NXN: variants seen among roughly 807,000 people sequenced by gnomAD.
NXN encodes the protein nucleoredoxin 1.
A neutral mutation model predicts 48.6 loss-of-function variants in NXN; 16 were observed. The ratio of observed to expected loss-of-function variants is 0.33; its 90% confidence interval spans 0.22 to 0.50. The LOEUF is 0.50. Among genes scored for constraint, NXN ranks in the 20% least tolerant of loss-of-function variants. NXN has a pLI of 0.98. For synonymous variants in NXN, 281 were observed against 269.6 expected, an observed-to-expected ratio of 1.04 and a Z score of -0.41; for missense variants, 492 against 605.5, an observed-to-expected ratio of 0.81 and a Z score of 1.97.
Position 884,760 on chromosome 17 carries a change from G to A in NXN, c.361-58682C>T, listed in dbSNP as rs566487743. On this transcript the variant is annotated intron_variant, in intron 1 of 7. Coordinates refer to ENST00000336868, the MANE Select transcript of NXN (RefSeq NM_022463.5). ...AGAAAAGGGATGGACGGTCCCTCGG[G>A]AATTAATAAGCTAAACGGAGCTGAA... Among the ~76,000 whole-genome samples the A allele has an allele frequency of 4.6e-5, 7 of 152,282 alleles. No homozygotes were observed. In the South Asian group the frequency reaches 1.4e-3, roughly 32 times the overall value.
At position 979,645 on chromosome 17, in the gene NXN, T is replaced by C; in HGVS notation, c.34A>G (p.Lys12Glu). 6.8e-7 allele frequency: 1 copy of C among 1,471,660 alleles called. No homozygotes were observed. The highest frequency in any genetic ancestry group is 1.8e-4 in the Middle Eastern group (1 of 5,568). The allele number at this position is 1,471,660 out of a possible 1,614,324, so 91.2% of individuals were successfully genotyped here. A position where few individuals can be genotyped will look rare whatever the true frequency, so the allele number is the denominator to read the frequency against. Residue 12 changes from lysine (K) to glutamate (E), a missense_variant, in exon 1 of 8, where the codon AAG (lysine) becomes GAG (glutamate). By Grantham distance (56) the Lys-to-Glu change is moderately conservative. Coordinates refer to ENST00000336868, the MANE Select transcript of NXN (RefSeq NM_022463.5). ...SGFLEELLGE[K>E]LVTGGGEEVD... ...TCCTCGCCGCCGCCCGTCACCAGCT[T>C]CTCGCCGAGCAGCTCCTCCAGGAAG...
chr17:978,980 C>A lies in NXN; in HGVS notation c.360+339G>T, dbSNP rs909498042. Among the ~76,000 whole-genome samples, 17 of 150,358 alleles carry A rather than the reference C, an allele frequency of 1.1e-4. No individual in the cohort carries two copies. Among genetic ancestry groups the A allele is most frequent in the Non-Finnish European group, 2.2e-4 (15 of 67,436 alleles). On this transcript the variant is annotated intron_variant, in intron 1 of 7. Coordinates refer to ENST00000336868, the MANE Select transcript of NXN (RefSeq NM_022463.5). The surrounding 1 kb of genome is among the most constrained non-coding windows in gnomAD (Gnocchi z 4.1). ...AGCCGCCCCCACCCGAGGCTCCCAG[C>A]GTGTGCGGACGGAGGGGCTCGAGCC...
At chr17:960,945 C>T (rs1461545489) in intron 1 of NXN, among the ~76,000 whole-genome samples, 4 of 151,872 alleles carry the variant, frequency 2.6e-5, no homozygotes, top group Non-Finnish European at 4.4e-5. Flanking sequence ...CCACCACGCC[C>T]GGCTAATTTT....
intron 1 of NXN, among the ~76,000 whole-genome samples, chr17:974,308 A>G (rs1299919091): frequency 6.6e-6 from 1 of 151,808 alleles, no homozygotes; most frequent in South Asian, 2.1e-4. Context: ...CCGAGATCGC[A>G]CCACTGCACT....
intron 1 of NXN, among the ~76,000 whole-genome samples, chr17:961,387 G>GA (rs765525826): frequency 0.22 from 30,273 of 140,424 alleles, 3,397 homozygotes; most frequent in Non-Finnish European, 0.28. Flanking sequence ...TCCGTCTCAA[G>GA]AAAAAAAAAA....
chr17:890,402 C>T (rs1344760981), intron 1 of NXN, among the ~76,000 whole-genome samples: 3 of 152,152 alleles, frequency 2.0e-5, no homozygotes, highest in Non-Finnish European at 2.9e-5. Flanking sequence ...GAGACGGACT[C>T]TCACTCTGTC....
intron 1 of NXN, among the ~76,000 whole-genome samples, chr17:967,122 G>A (rs2069315263): frequency 6.6e-6 from 1 of 150,568 alleles, no homozygotes; most frequent in Admixed American, 6.6e-5. Flanking sequence ...CAGCCCCCAG[G>A]CCTGAGGCTC....
intron 1 of NXN, among the ~76,000 whole-genome samples, chr17:912,420 A>G (rs542510347): frequency 6.6e-6 from 1 of 152,174 alleles, no homozygotes; most frequent in African/African-American, 2.4e-5. Flanking sequence ...AACACTGCCA[A>G]AGACACCGCA....
intron 5 of NXN, among the ~76,000 whole-genome samples, chr17:812,143 G>C (rs533868051): frequency 0.41 from 61,086 of 149,600 alleles, 12,609 homozygotes; most frequent in East Asian, 0.53. Context: ...TAGCCAGGAC[G>C]GTCTCGATCT....
intron 6 of NXN, among the ~76,000 whole-genome samples, chr17:804,369 G>T (rs1227772399): frequency 7.1e-6 from 1 of 141,332 alleles, no homozygotes; most frequent in Non-Finnish European, 1.5e-5. Flanking sequence ...TACAACTTCT[G>T]CCTCCCCGGT....
chr17:973,531 C>G (rs2069417422), intron 1 of NXN, among the ~76,000 whole-genome samples: 1 of 152,188 alleles, frequency 6.6e-6, no homozygotes, highest in African/African-American at 2.4e-5. Flanking sequence ...CTTCGTCGAT[C>G]AGCAGCAGTC....
At chr17:868,356 T>A (rs1219413209) in intron 1 of NXN, among the ~76,000 whole-genome samples, 3 of 152,108 alleles carry the variant, frequency 2.0e-5, no homozygotes, top group Non-Finnish European at 4.4e-5. Flanking sequence ...CCTGACCGTA[T>A]CTCCCTCGAA....
chr17:840,254 A>G (rs1439711532), intron 1 of NXN, among the ~76,000 whole-genome samples: 3 of 152,154 alleles, frequency 2.0e-5, no homozygotes, highest in South Asian at 2.1e-4. Flanking sequence ...TAGGTCTCCT[A>G]TCAACTTGGG....
At chr17:957,898 T>A (rs1274939044) in intron 1 of NXN, among the ~76,000 whole-genome samples, 1 of 152,010 alleles carries the variant, frequency 6.6e-6, no homozygotes, top group African/African-American at 2.4e-5. Context: ...AAATCACACC[T>A]CCACGTCAGC....
chr17:814,165 C>G (rs369647627), intron 5 of NXN, among the ~76,000 whole-genome samples: 7 of 143,444 alleles, frequency 4.9e-5, no homozygotes, highest in East Asian at 2.2e-4. Flanking sequence ...CGGAGGCTGA[C>G]GCAGGAGAAC....
chr17:805,024 G>GCCCCCCCCCCCCCCCAC, intron 6 of NXN, 44 bp downstream of exon 6: 7 of 1,380,528 alleles, frequency 5.1e-6, no homozygotes, highest in Non-Finnish European at 6.0e-6. Flanking sequence ...CTCCTGTCCC[G>GCCCCCCCCCCCCCCCAC]CCCCCCAGCC....
rs1217135725 is a variant in NXN, at chr17:979,642, G to C, written c.37C>G (p.Leu13Val). The C allele has an allele frequency of 6.8e-7, 1 of 1,470,910 alleles. No homozygotes were observed. 91.1% of individuals were successfully genotyped at this position (1,470,910 alleles called of 1,614,324 possible). Residue 13 changes from leucine (L) to valine (V), a missense_variant, in exon 1 of 8, where the codon CTG (leucine) becomes GTG (valine). Transcript: ENST00000336868. ...GFLEELLGEK[L>V]VTGGGEEVDV... ...ACCTCCTCGCCGCCGCCCGTCACCAGCTTCTCGCCGAGCAGCTCCTCCAGG... is the reference window on the plus strand; with the variant it reads ...ACCTCCTCGCCGCCGCCCGTCACCACCTTCTCGCCGAGCAGCTCCTCCAGG...
intron 6 of NXN, 48 bp downstream of exon 6, chr17:805,020 T>TACCCCC: frequency 5.9e-6 from 9 of 1,512,850 alleles, no homozygotes; most frequent in Admixed American, 2.0e-5. Flanking sequence ...GCCCCTCCTG[T>TACCCCC]CCCGCCCCCC....
chr17:871,762 G>A (rs983134253), intron 1 of NXN, among the ~76,000 whole-genome samples: 1 of 152,134 alleles, frequency 6.6e-6, no homozygotes, highest in African/African-American at 2.4e-5. Flanking sequence ...TAGCTAATTG[G>A]GAATGGCATG....
Sources: allele counts gnomAD v4.1 joint callset (sites outside exome capture counted in the v4.1 genomes callset), GRCh38; gene constraint gnomAD v4.1.1; non-coding constraint Gnocchi (gnomAD v3.1); transcripts MANE v1.5; gene names NCBI Gene and HGNC (gene_info 2026-07-23, HGNC 2026-07-21).